The following XG variants were observed in gnomAD, a reference collection of about 807,000 sequenced individuals.
The protein encoded by XG is Xg glycoprotein (Xg blood group).
A neutral mutation model predicts 25.7 loss-of-function variants in XG; 24 were observed. The ratio of observed to expected loss-of-function variants is 0.93; its 90% CI spans 0.68 to 1.31. The LOEUF is 1.31. Among genes scored for constraint, XG ranks in the 40% most tolerant of loss-of-function variants. The pLI is 0.00. For synonymous variants in XG, 77 were observed against 69.2 expected (o/e 1.11, Z -0.56); for missense variants, 181 against 187.6 (o/e 0.96, Z 0.21).
intron 7 of XG, 149 bp from the exon 8 acceptor site, chrX:2,806,552 G>T: frequency 2.0e-6 from 1 of 493,673 alleles, no homozygotes. Context: ...TGGCGCCTGT[G>T]CACCTTCCCT....
At chrX:2,770,011 G>A (rs1024989661) in intron 1 of XG, among the ~76,000 whole-genome samples, 7 of 140,388 alleles carry the variant, frequency 5.0e-5, no homozygotes, top group African/African-American at 1.3e-4. Flanking sequence ...GACTCTGTGC[G>A]TGTGTGGAGG....
intron 1 of XG, among the ~76,000 whole-genome samples, chrX:2,761,156 T>C (rs1025697989): frequency 6.6e-6 from 1 of 152,128 alleles, no homozygotes; most frequent in African/African-American, 2.4e-5. Flanking sequence ...TGACTGTGTT[T>C]GGTGATGGGG....
At chrX:2,758,992 C>T (rs1191348488) in intron 1 of XG, among the ~76,000 whole-genome samples, 2 of 151,710 alleles carry the variant, frequency 1.3e-5, no homozygotes, top group East Asian at 1.9e-4. Context: ...ATCCAACTCT[C>T]ATCTCTATTA....
At chrX:2,779,031 T>G (rs1031762827) in intron 3 of XG, among the ~76,000 whole-genome samples, 15 of 152,172 alleles carry the variant, frequency 9.9e-5, no homozygotes, top group African/African-American at 3.4e-4. Context: ...CCCAAAGTGC[T>G]GGGATTACAG....
intron 8 of XG, among the ~76,000 whole-genome samples, chrX:2,807,257 CAT>C (rs2087007890): frequency 8.9e-6 from 1 of 112,599 alleles, no homozygotes; most frequent in African/African-American, 3.2e-5. Context: ...GCATGTTTCC[CAT>C]GTGTGTCCAT....
rs1378514015 is a variant in XG at position 2,774,728 on chromosome X, A to T, written c.116A>T (p.Lys39Met). The T allele has an allele frequency of 6.2e-7, 1 of 1,613,916 alleles. No individual in the cohort carries two copies. Among genetic ancestry groups the T allele is most frequent in the Non-Finnish European group, 8.5e-7 (1 of 1,179,856 alleles). ...TCTTTGTTCACAGAACCCACCAAGA[A>T]GCCAAACTCAGGTGAGTGTCTCTTC... ...DALDDPEPTK[K>M]PNSDIYPKPK... Residue 39 changes from lysine to methionine, a missense_variant, in exon 3 of 11, where the codon AAG becomes ATG. Transcript: ENST00000644266.
At chrX:2,808,105 G>A (rs951560397) in intron 8 of XG, 80 bp from the exon 9 acceptor site, 8 of 1,079,225 alleles carry the variant, frequency 7.4e-6, no homozygotes, top group South Asian at 5.8e-5. Context: ...GTTCACAGTC[G>A]CATCCTCAAC....
chrX:2,765,872 G>T (rs180690600), intron 1 of XG, among the ~76,000 whole-genome samples: 19 of 152,340 alleles, frequency 1.2e-4, no homozygotes, highest in Admixed American at 8.5e-4. Flanking sequence ...TGGGGTCGTG[G>T]CCCCTGAAGC....
intron 6 of XG, among the ~76,000 whole-genome samples, chrX:2,797,064 C>T (rs1310109636): frequency 9.0e-6 from 1 of 111,323 alleles, no homozygotes; most frequent in Non-Finnish European, 1.9e-5. Context: ...ATGTTAGTCC[C>T]GTGACGGCAA....
chrX:2,794,235 G>C (rs1440221081), intron 5 of XG, among the ~76,000 whole-genome samples: 1 of 111,761 alleles, frequency 8.9e-6, no homozygotes, highest in Non-Finnish European at 1.9e-5. Flanking sequence ...AGACACGACA[G>C]CCTGAGCTTC....
intron 3 of XG, among the ~76,000 whole-genome samples, chrX:2,780,017 T>TG (rs2124481652): frequency 6.6e-6 from 1 of 152,276 alleles, no homozygotes; most frequent in Non-Finnish European, 1.5e-5. Context: ...TGCAAATAGT[T>TG]GTTATACTAT....
intron 10 of XG, 137 bp from the exon 11 acceptor site, chrX:2,814,227 T>C: frequency 1.3e-6 from 1 of 767,749 alleles, no homozygotes; most frequent in Non-Finnish European, 1.8e-6. Flanking sequence ...TTTTCTGTTC[T>C]AATCTTCCTT....
At chrX:2,756,978 C>T (rs1454282300) in intron 1 of XG, among the ~76,000 whole-genome samples, 1 of 152,194 alleles carries the variant, frequency 6.6e-6, no homozygotes, top group Non-Finnish European at 1.5e-5. Flanking sequence ...GGTTCTTGTC[C>T]AGCATCCAGG....
At chrX:2,796,468 A>ATG (rs200727930) in intron 6 of XG, among the ~76,000 whole-genome samples, 1,133 of 95,937 alleles carry the variant, frequency 0.012, 11 homozygotes, top group African/African-American at 0.03. Context: ...ATTTAGGTAT[A>ATG]TGTGTGTGTG....
intron 1 of XG, among the ~76,000 whole-genome samples, chrX:2,763,548 T>C (rs2050612036): frequency 6.6e-6 from 1 of 152,120 alleles, no homozygotes; most frequent in African/African-American, 2.4e-5. Context: ...ACAACTAACA[T>C]TGATTTCTGC....
chrX:2,812,838 G>A (rs1036695389), intron 10 of XG, among the ~76,000 whole-genome samples: 2 of 112,056 alleles, frequency 1.8e-5, no homozygotes, highest in Non-Finnish European at 3.8e-5. Flanking sequence ...TTGTGGCAGT[G>A]ATTTGTAAGC....
chrX:2,803,837 T>G (rs1289493903), intron 7 of XG, among the ~76,000 whole-genome samples: 1 of 111,382 alleles, frequency 9.0e-6, no homozygotes, highest in Non-Finnish European at 1.9e-5. Flanking sequence ...TTTTCTTTTC[T>G]TTTCTTCTTT....
At chrX:2,783,770 C>T (rs762611690) in intron 4 of XG, among the ~76,000 whole-genome samples, 5 of 112,568 alleles carry the variant, frequency 4.4e-5, no homozygotes, top group Admixed American at 9.4e-5. Context: ...AAGTCAGGAG[C>T]TCGAGACCAG....
chrX:2,775,955 CA>C (rs1173774743), intron 3 of XG, among the ~76,000 whole-genome samples: 23 of 122,156 alleles, frequency 1.9e-4, no homozygotes, highest in Admixed American at 9.2e-4. Context: ...GATTCCGTCT[CA>C]AAAAAAAAAA....
Sources: gnomAD v4.1 joint callset for allele counts (sites outside exome capture counted in the v4.1 genomes callset) on GRCh38, gnomAD v4.1.1 for gene constraint, MANE v1.5 for transcripts, NCBI Gene and HGNC (gene_info 2026-07-23, HGNC 2026-07-21) for gene names.